LRP1B: variants seen among roughly 807,000 people sequenced by gnomAD.
LRP1B encodes the protein LDL receptor related protein 1B.
Under a neutral mutation model 556.6 loss-of-function variants are expected in LRP1B, and 217 were observed. The observed-to-expected ratio is 0.39, with a 90% confidence interval of 0.35 to 0.44. The LOEUF is 0.44. LRP1B is among the 20% of genes least tolerant of loss of function. The probability of loss-of-function intolerance (pLI) is 1.00; values close to 1 mark genes in which losing one functional copy is unlikely to be tolerated. For synonymous variants in LRP1B, 2,047 were observed against 1,865.8 expected (o/e 1.10, Z -2.50); for missense variants, 5,053 against 5,620.8 (o/e 0.90, Z 3.23).
intron 71 of LRP1B, among the ~76,000 whole-genome samples, chr2:140,365,148 G>A (rs1682699329): frequency 6.6e-6 from 1 of 151,218 alleles, no homozygotes; most frequent in African/African-American, 2.4e-5. Flanking sequence ...TAAAATTTGT[G>A]TCTTTCTTGG....
chr2:141,532,877 T>C (rs1040859621), intron 2 of LRP1B, among the ~76,000 whole-genome samples: 9 of 152,054 alleles, frequency 5.9e-5, no homozygotes, highest in African/African-American at 2.2e-4. Flanking sequence ...TCCCAGCTAC[T>C]TGGGAGGCTG....
chr2:140,291,041 A>T (rs1683348634), intron 84 of LRP1B, among the ~76,000 whole-genome samples: 1 of 151,954 alleles, frequency 6.6e-6, no homozygotes, highest in African/African-American at 2.4e-5. Context: ...AAGGATACAT[A>T]TTCACATATT....
chr2:140,514,234 C>T (rs1421488537), intron 51 of LRP1B, among the ~76,000 whole-genome samples: 3 of 151,918 alleles, frequency 2.0e-5, no homozygotes, highest in African/African-American at 4.8e-5. Flanking sequence ...GAAAACAACA[C>T]ACACATATGC....
At chr2:141,976,142 G>T (rs1454335143) in intron 1 of LRP1B, among the ~76,000 whole-genome samples, 1 of 151,814 alleles carries the variant, frequency 6.6e-6, no homozygotes, top group Non-Finnish European at 1.5e-5. Flanking sequence ...CTGCTCAATA[G>T]TTCTTGTTTC....
At chr2:141,305,479 G>T (rs1573779492) in intron 3 of LRP1B, among the ~76,000 whole-genome samples, 1 of 152,208 alleles carries the variant, frequency 6.6e-6, no homozygotes, top group East Asian at 1.9e-4. Flanking sequence ...TCAGTTATAA[G>T]ATAGTTTTTG....
At chr2:142,000,776 A>G (rs1411116904) in intron 1 of LRP1B, among the ~76,000 whole-genome samples, 2 of 152,188 alleles carry the variant, frequency 1.3e-5, no homozygotes, top group Non-Finnish European at 2.9e-5. Flanking sequence ...TGCCTGTTCT[A>G]CATAGAGAAA....
At chr2:141,048,299 T>C (rs1698937824) in intron 11 of LRP1B, among the ~76,000 whole-genome samples, 1 of 152,090 alleles carries the variant, frequency 6.6e-6, no homozygotes, top group African/African-American at 2.4e-5. Flanking sequence ...TGATTTATTA[T>C]TTGCAATCTT....
chr2:141,028,557 A>G (rs939912221), intron 11 of LRP1B, among the ~76,000 whole-genome samples: 2 of 152,040 alleles, frequency 1.3e-5, no homozygotes, highest in African/African-American at 4.8e-5. Context: ...AATTCCTGAA[A>G]AATCATCCAA....
chr2:140,571,567 A>C (rs899321621), intron 43 of LRP1B, among the ~76,000 whole-genome samples: 6 of 151,834 alleles, frequency 4.0e-5, no homozygotes, highest in Non-Finnish European at 8.9e-5. Context: ...CAATACTGTG[A>C]AAATGACACT....
intron 2 of LRP1B, among the ~76,000 whole-genome samples, chr2:141,683,348 G>A (rs1691172768): frequency 6.6e-6 from 1 of 152,118 alleles, no homozygotes; most frequent in South Asian, 2.1e-4. Context: ...CATGGTACAG[G>A]AAACTTACAT....
intron 59 of LRP1B, among the ~76,000 whole-genome samples, chr2:140,484,830 G>A (rs938985989): frequency 6.6e-6 from 1 of 152,022 alleles, no homozygotes; most frequent in Non-Finnish European, 1.5e-5. Flanking sequence ...CAAATGAAAC[G>A]GATCCACCAC....
chr2:141,337,102 T>A, intron 3 of LRP1B, among the ~76,000 whole-genome samples: 1 of 152,138 alleles, frequency 6.6e-6, no homozygotes, highest in Middle Eastern at 3.4e-3. Context: ...TTTAAATGTC[T>A]AAAAAAAACT....
chr2:141,597,953 G>T (rs2105304139), intron 2 of LRP1B, among the ~76,000 whole-genome samples: 1 of 151,966 alleles, frequency 6.6e-6, no homozygotes, highest in African/African-American at 2.4e-5. Context: ...CCTCATCTGG[G>T]ATTCACCCAA....
chr2:141,476,894 C>T (rs181929076), intron 3 of LRP1B, among the ~76,000 whole-genome samples: 15 of 152,200 alleles, frequency 9.9e-5, no homozygotes, highest in South Asian at 4.1e-4. Flanking sequence ...GATGCTGAGG[C>T]GGGTGGATCA....
intron 77 of LRP1B, among the ~76,000 whole-genome samples, chr2:140,342,301 T>C (rs1033054970): frequency 6.6e-6 from 1 of 151,284 alleles, no homozygotes. Flanking sequence ...TATTTCTTAC[T>C]ATGGTTATAA....
chr2:142,079,132 A>C (rs550417557), intron 1 of LRP1B, among the ~76,000 whole-genome samples: 1 of 152,316 alleles, frequency 6.6e-6, no homozygotes, highest in Non-Finnish European at 1.5e-5. Context: ...TGGATGCTAG[A>C]TGATATAGCC....
At chr2:141,107,486 A>G (rs2104955431) in intron 7 of LRP1B, among the ~76,000 whole-genome samples, 1 of 152,148 alleles carries the variant, frequency 6.6e-6, no homozygotes, top group East Asian at 1.9e-4. Context: ...TTTCTACTAA[A>G]AATACAAAAA....
chr2:140,638,412 G>A (rs1159522227), intron 41 of LRP1B, among the ~76,000 whole-genome samples: 1 of 152,158 alleles, frequency 6.6e-6, no homozygotes, highest in African/African-American at 2.4e-5. Flanking sequence ...TCTGTGGCGA[G>A]GCTGGGATTT....
chr2:140,459,737 T>C (rs1453375123), intron 60 of LRP1B, among the ~76,000 whole-genome samples: 2 of 152,188 alleles, frequency 1.3e-5, no homozygotes, highest in Admixed American at 6.5e-5. Context: ...AAATCTCATG[T>C]TGAATTGTAA....
Sources: gnomAD v4.1 joint callset for allele counts (sites outside exome capture counted in the v4.1 genomes callset) on GRCh38, gnomAD v4.1.1 for gene constraint, MANE v1.5 for transcripts, NCBI Gene and HGNC (gene_info 2026-07-23, HGNC 2026-07-21) for gene names.